The following TMPRSS4 variants were observed in gnomAD, a reference collection of about 807,000 sequenced individuals.
TMPRSS4 encodes transmembrane protease serine 4.
In TMPRSS4, 45 loss-of-function variants were observed where a neutral mutation model predicts 56.4. The observed-to-expected ratio is 0.80, with a 90% CI of 0.63 to 1.02. TMPRSS4 has a LOEUF of 1.02. TMPRSS4 is among the 50% of genes least tolerant of loss of function. TMPRSS4 has a pLI of 0.00. For missense variants in TMPRSS4, 546 were observed against 556.7 expected, an observed-to-expected ratio of 0.98 and a Z score of 0.19; for synonymous variants, 205 against 211.0, an observed-to-expected ratio of 0.97 and a Z score of 0.25.
At chr11:118,099,242 C>T in intron 3 of TMPRSS4, 144 bp downstream of exon 3, 1 of 601,534 alleles carries the variant, frequency 1.7e-6, no homozygotes, top group Non-Finnish European at 2.9e-6. Context: ...CCCCTGCCCT[C>T]ACCCACTCAG....
chr11:118,118,430 A>G lies in TMPRSS4; in HGVS notation c.*517A>G. ...TGTTATTACAGCTATGGCCACTATT[A>G]TTAAAGAGCTGTGTAACATCTCTGG... is the stretch of plus-strand genomic sequence containing the variant. On this transcript the variant is annotated 3_prime_UTR_variant, in exon 13 of 13. Coordinates refer to ENST00000437212, the MANE Select transcript of TMPRSS4 (RefSeq NM_019894.4). The G allele has an allele frequency of 1.0e-6, 1 of 988,538 alleles. No homozygotes were observed. The highest frequency in any genetic ancestry group is 4.7e-5 in the South Asian group (1 of 21,392). The allele number at this position is 988,538 out of a possible 1,614,324, so 61.2% of individuals were successfully genotyped here. A position where few individuals can be genotyped will look rare whatever the true frequency, so the allele number is the denominator to read the frequency against.
chr11:118,110,834 A>G (rs1947238644), intron 7 of TMPRSS4, among the ~76,000 whole-genome samples: 1 of 152,232 alleles, frequency 6.6e-6, no homozygotes, highest in Non-Finnish European at 1.5e-5. Context: ...ATGTACAGCC[A>G]GGTTCCTAAC....
Position 118,121,328 on chromosome 11 carries a change from C to T in TMPRSS4, c.*3415C>T, listed in dbSNP as rs969454584. On this transcript the variant is annotated 3_prime_UTR_variant, in exon 13 of 13. Coordinates refer to ENST00000437212, the MANE Select transcript of TMPRSS4 (RefSeq NM_019894.4). Reference sequence around the variant, plus strand: ...GTGAAAATGTAGGTAAGTCTAAACACACTCTGTCTACTTCTTCTTCTTCTT... The same window carrying T: ...GTGAAAATGTAGGTAAGTCTAAACATACTCTGTCTACTTCTTCTTCTTCTT... The T allele has an allele frequency of 1.4e-5, 2 of 142,866 alleles. No individual in the cohort carries two copies. Among genetic ancestry groups the T allele is most frequent in the Non-Finnish European group, 3.0e-5 (2 of 65,758 alleles). The allele number at this position is 142,866 out of a possible 1,614,324, so 8.8% of individuals were successfully genotyped here. A position where few individuals can be genotyped will look rare whatever the true frequency, so the allele number is the denominator to read the frequency against.
chr11:118,098,904 G>A (rs564631100), intron 2 of TMPRSS4, 81 bp from the exon 3 acceptor site: 359 of 1,111,398 alleles, frequency 3.2e-4, no homozygotes, highest in Admixed American at 8.2e-4. Flanking sequence ...CGGCCAGAAG[G>A]CAGGAGGCTG....
chr11:118,117,511 T>C, intron 12 of TMPRSS4, 57 bp downstream of exon 12: 2 of 1,549,676 alleles, frequency 1.3e-6, no homozygotes, highest in South Asian at 1.2e-5. Flanking sequence ...ACCTGGGGGG[T>C]GCCAATCCAT....
At chr11:118,102,973 G>C (rs1946791981) in intron 3 of TMPRSS4, 128 bp from the exon 4 acceptor site, 1 of 1,298,158 alleles carries the variant, frequency 7.7e-7, no homozygotes, top group Non-Finnish European at 1.1e-6. Context: ...CTACCAAGTA[G>C]CAAAACTGAG....
chr11:118,116,825 C>T (rs1947582497), intron 11 of TMPRSS4, among the ~76,000 whole-genome samples: 1 of 150,976 alleles, frequency 6.6e-6, no homozygotes, highest in Admixed American at 6.6e-5. Context: ...TGATTCTCCA[C>T]CTCAGCCTCC....
At chr11:118,099,227 T>C (rs1946588369) in intron 3 of TMPRSS4, 129 bp downstream of exon 3, 1 of 587,122 alleles carries the variant, frequency 1.7e-6, no homozygotes, top group Non-Finnish European at 2.8e-6. Flanking sequence ...TAAGAGGCAG[T>C]CCCACCCCTG....
chr11:118,093,858 A>C (rs771026588), intron 1 of TMPRSS4, among the ~76,000 whole-genome samples: 1 of 148,558 alleles, frequency 6.7e-6, no homozygotes, highest in Non-Finnish European at 1.5e-5. Context: ...TTCTATCACT[A>C]TAGATTAACC....
chr11:118,123,112 G>A (rs1300343877), downstream of TMPRSS4, among the ~76,000 whole-genome samples: 1 of 152,038 alleles, frequency 6.6e-6, no homozygotes, highest in East Asian at 1.9e-4. Context: ...ATTTAGAGCA[G>A]CATGAATGGA....
intron 1 of TMPRSS4, among the ~76,000 whole-genome samples, chr11:118,092,879 C>T (rs145087890): frequency 1.5e-4 from 23 of 152,328 alleles, no homozygotes; most frequent in African/African-American, 5.5e-4. Flanking sequence ...AGAGAGTTCC[C>T]ATGTGAGAGC....
intron 1 of TMPRSS4, among the ~76,000 whole-genome samples, chr11:118,089,287 A>G (rs1200430144): frequency 6.6e-6 from 1 of 152,226 alleles, no homozygotes; most frequent in African/African-American, 2.4e-5. Context: ...AAGAAAAGCC[A>G]AAGAATGAGC....
intron 1 of TMPRSS4, among the ~76,000 whole-genome samples, chr11:118,082,453 C>T (rs530288968): frequency 1.3e-5 from 2 of 152,000 alleles, no homozygotes; most frequent in South Asian, 2.1e-4. Context: ...CCCAGCGACT[C>T]GGGAAGCTGA....
At chr11:118,098,317 C>A (rs190342316) in intron 2 of TMPRSS4, among the ~76,000 whole-genome samples, 102 of 152,368 alleles carry the variant, frequency 6.7e-4, no homozygotes, top group African/African-American at 2.2e-3. Context: ...TCCCAAACTG[C>A]ATTTAAGTGC....
downstream of TMPRSS4, among the ~76,000 whole-genome samples, chr11:118,124,278 G>A (rs1947850460): frequency 1.3e-5 from 2 of 152,108 alleles, no homozygotes; most frequent in African/African-American, 4.8e-5. Flanking sequence ...CCACCTACTT[G>A]GGAGGCTGAG....
At chr11:118,107,945 G>A in intron 6 of TMPRSS4, 70 bp downstream of exon 6, 1 of 1,336,138 alleles carries the variant, frequency 7.5e-7, no homozygotes, top group Non-Finnish European at 1.1e-6. Flanking sequence ...GTTGCAACCA[G>A]CTCACCTGGA....
intron 2 of TMPRSS4, chr11:118,095,090 A>G: frequency 1.8e-6 from 1 of 566,280 alleles, no homozygotes; most frequent in East Asian, 3.0e-5. Flanking sequence ...TCCCCAAAGC[A>G]ATGATTCTCC....
chr11:118,108,765 G>C, intron 6 of TMPRSS4, 91 bp from the exon 7 acceptor site: 1 of 1,308,964 alleles, frequency 7.6e-7, no homozygotes, highest in South Asian at 1.2e-5. Context: ...TATTGGGAGG[G>C]GACTTGAATT....
At chr11:118,110,487 A>G (rs1054580479) in intron 7 of TMPRSS4, among the ~76,000 whole-genome samples, 1 of 151,966 alleles carries the variant, frequency 6.6e-6, no homozygotes, top group African/African-American at 2.4e-5. Context: ...GATTACAGGC[A>G]CCCGTCACCA....
Sources: gnomAD v4.1 joint callset for allele counts (sites outside exome capture counted in the v4.1 genomes callset) on GRCh38, gnomAD v4.1.1 for gene constraint, MANE v1.5 for transcripts, NCBI Gene and HGNC (gene_info 2026-07-23, HGNC 2026-07-21) for gene names.